CHST11: variants seen among roughly 807,000 people sequenced by gnomAD.
CHST11 encodes carbohydrate sulfotransferase 11.
CHST11 carries 9 observed loss-of-function variants against 30.4 expected under a neutral mutation model. That is an observed-to-expected ratio of 0.30 (90% CI 0.18 to 0.52). CHST11 has a LOEUF of 0.52. CHST11 is among the 20% of genes least tolerant of loss of function. CHST11 has a pLI of 0.97. For missense variants in CHST11, 348 were observed against 460.6 expected (o/e 0.76, Z 2.24); for synonymous variants, 152 against 187.8 (o/e 0.81, Z 1.56).
At chr12:104,663,895 G>C (rs1241659823) in intron 2 of CHST11, among the ~76,000 whole-genome samples, 1 of 152,038 alleles carries the variant, frequency 6.6e-6, no homozygotes, top group South Asian at 2.1e-4. Context: ...ATCCATCCAT[G>C]TATGGAGCAA....
intron 1 of CHST11, among the ~76,000 whole-genome samples, chr12:104,601,129 T>C (rs780037150): frequency 2.8e-4 from 42 of 151,222 alleles, no homozygotes; most frequent in Non-Finnish European, 5.7e-4. Flanking sequence ...CCTTCCTCCT[T>C]CCTCCTCCCT....
chr12:104,624,589 A>C (rs1246686422), intron 2 of CHST11, among the ~76,000 whole-genome samples: 8 of 152,262 alleles, frequency 5.3e-5, no homozygotes, highest in Non-Finnish European at 1.0e-4. Flanking sequence ...GATAATAATC[A>C]TACATACCTT....
At chr12:104,506,505 G>A (rs1000407135) in intron 1 of CHST11, among the ~76,000 whole-genome samples, 1 of 152,126 alleles carries the variant, frequency 6.6e-6, no homozygotes. Flanking sequence ...TGTTGGAGTG[G>A]GACAATCACT....
At chr12:104,498,494 A>G (rs151111138) in intron 1 of CHST11, among the ~76,000 whole-genome samples, 87 of 152,344 alleles carry the variant, frequency 5.7e-4, no homozygotes, top group African/African-American at 2.0e-3. Context: ...TCAAACCACT[A>G]AAAAGCCAGA....
chr12:104,706,428 A>G (rs1031790616), intron 2 of CHST11, among the ~76,000 whole-genome samples: 190 of 2,972 alleles, frequency 0.064, 1 homozygote, highest in African/African-American at 0.22. Context: ...GTAGGTACAC[A>G]GGTGGGTGGG....
chr12:104,748,645 C>A (rs2040407033), intron 2 of CHST11, among the ~76,000 whole-genome samples: 1 of 152,056 alleles, frequency 6.6e-6, no homozygotes, highest in Non-Finnish European at 1.5e-5. Context: ...CATCTACAGG[C>A]CAAAGAGAGA....
intron 2 of CHST11, among the ~76,000 whole-genome samples, chr12:104,666,004 G>A (rs1325481948): frequency 6.6e-6 from 1 of 151,712 alleles, no homozygotes; most frequent in Non-Finnish European, 1.5e-5. Context: ...TATTTTAATA[G>A]AGATGGGGTT....
intron 1 of CHST11, among the ~76,000 whole-genome samples, chr12:104,469,671 G>A (rs572539400): frequency 6.6e-6 from 1 of 152,308 alleles, no homozygotes; most frequent in South Asian, 2.1e-4. Flanking sequence ...CTGCTTAACT[G>A]CAGGTGTCAT....
intron 1 of CHST11, among the ~76,000 whole-genome samples, chr12:104,599,012 G>A (rs1352031708): frequency 6.6e-6 from 1 of 151,736 alleles, no homozygotes; most frequent in Admixed American, 6.6e-5. Flanking sequence ...AGGGAGGCGC[G>A]GAGGGGTTAT....
At chr12:104,654,109 C>T (rs933346218) in intron 2 of CHST11, among the ~76,000 whole-genome samples, 1 of 152,102 alleles carries the variant, frequency 6.6e-6, no homozygotes, top group Non-Finnish European at 1.5e-5. Context: ...GTGCTAGGTG[C>T]CGGGGATGCA....
intron 2 of CHST11, among the ~76,000 whole-genome samples, chr12:104,665,882 C>T (rs995299566): frequency 8.2e-5 from 11 of 134,194 alleles, no homozygotes; most frequent in Admixed American, 5.3e-4. Flanking sequence ...CGCAGTGGCG[C>T]GATCTCGGCT....
chr12:104,497,907 CTCTTT>C (rs1593971789), intron 1 of CHST11, among the ~76,000 whole-genome samples: 1 of 128,414 alleles, frequency 7.8e-6, no homozygotes, highest in Non-Finnish European at 1.7e-5. Flanking sequence ...TTCCTGCCCC[CTCTTT>C]TTTTTTTTTT....
chr12:104,657,975 G>C (rs1439407767), intron 2 of CHST11, among the ~76,000 whole-genome samples: 1 of 152,198 alleles, frequency 6.6e-6, no homozygotes, highest in Non-Finnish European at 1.5e-5. Context: ...GAAACAGAGT[G>C]AGCAGTGTTC....
intron 1 of CHST11, among the ~76,000 whole-genome samples, chr12:104,536,592 C>A (rs115098123): frequency 7.9e-5 from 12 of 152,318 alleles, no homozygotes; most frequent in African/African-American, 2.9e-4. Context: ...ATTTTTGGAT[C>A]GGATCAGAAC....
intron 2 of CHST11, among the ~76,000 whole-genome samples, chr12:104,694,772 G>C (rs369290004): frequency 6.6e-6 from 1 of 152,198 alleles, no homozygotes; most frequent in African/African-American, 2.4e-5. Context: ...CGTGATGGGA[G>C]AGTGATTAAA....
chr12:104,725,178 CATGCAATGGCAGAGGATGAA>C (rs2040207298), intron 2 of CHST11, among the ~76,000 whole-genome samples: 1 of 152,242 alleles, frequency 6.6e-6, no homozygotes, highest in African/African-American at 2.4e-5. Flanking sequence ...GTTCCCTCCT[CATGCAATGGCAGAGGATGAA>C]ATGACAGTAG....
intron 1 of CHST11, among the ~76,000 whole-genome samples, chr12:104,511,593 C>T (rs1308923135): frequency 2.0e-5 from 3 of 152,124 alleles, no homozygotes; most frequent in Non-Finnish European, 4.4e-5. Context: ...GTCATGAAAT[C>T]GTTTAAACAA....
At chr12:104,605,678 G>T (rs2038998437) in intron 2 of CHST11, among the ~76,000 whole-genome samples, 2 of 152,126 alleles carry the variant, frequency 1.3e-5, no homozygotes, top group Admixed American at 1.3e-4. Context: ...TGTTTCCTTG[G>T]CCCCAAAATA....
intron 2 of CHST11, among the ~76,000 whole-genome samples, chr12:104,692,891 C>CA (rs943045903): frequency 0.015 from 215 of 14,790 alleles, 1 homozygote; most frequent in African/African-American, 0.041. Flanking sequence ...AAAAAAAAAA[C>CA]AAAAAAAAAA....
Sources: allele counts gnomAD v4.1 joint callset (sites outside exome capture counted in the v4.1 genomes callset), GRCh38; gene constraint gnomAD v4.1.1; transcripts MANE v1.5; gene names NCBI Gene and HGNC (gene_info 2026-07-23, HGNC 2026-07-21).